Variants in ANKRD31 observed in about 807,000 individuals in gnomAD.
ANKRD31 encodes the protein ankyrin repeat domain 31.
Under a neutral mutation model 186.0 loss-of-function variants are expected in ANKRD31, and 147 were observed. The observed-to-expected ratio is 0.79, with a 90% CI of 0.69 to 0.91. The LOEUF is 0.91. Among genes scored for constraint, ANKRD31 ranks in the 40% least tolerant of loss-of-function variants. The pLI, the probability that ANKRD31 is intolerant of heterozygous loss-of-function variation, is 0.00. For missense variants in ANKRD31, 1,986 were observed against 2,148.8 expected (o/e 0.92, Z 1.50); for synonymous variants, 673 against 736.4 (o/e 0.91, Z 1.39).
chr5:75,091,112 TG>T, intron 23 of ANKRD31, 148 bp downstream of exon 23: 2 of 785,014 alleles, frequency 2.5e-6, no homozygotes, highest in Non-Finnish European at 3.8e-6. Context: ...GCATGTAGCA[TG>T]ATATGCATAC....
chr5:75,132,953 A>G (rs1019154893), intron 17 of ANKRD31, among the ~76,000 whole-genome samples: 1 of 152,204 alleles, frequency 6.6e-6, no homozygotes, highest in Admixed American at 6.5e-5. Context: ...TTCACAGACA[A>G]GCAAATGCTG....
chr5:75,140,269 A>AAGAG (rs10552660), intron 15 of ANKRD31, among the ~76,000 whole-genome samples: 1 of 35,156 alleles, frequency 2.8e-5, no homozygotes, highest in Non-Finnish European at 4.3e-5. Flanking sequence ...GAAGGAAGGA[A>AAGAG]AGAGAGAGAG....
intron 11 of ANKRD31, among the ~76,000 whole-genome samples, chr5:75,158,199 C>T (rs923870990): frequency 6.6e-6 from 1 of 152,062 alleles, no homozygotes; most frequent in Non-Finnish European, 1.5e-5. Context: ...AGTCTATAAG[C>T]CACACCAGAT....
At chr5:75,156,564 GACCT>G (rs1260706840) in intron 11 of ANKRD31, among the ~76,000 whole-genome samples, 3 of 152,266 alleles carry the variant, frequency 2.0e-5, no homozygotes, top group African/African-American at 7.2e-5. Flanking sequence ...TTGGAAAAAA[GACCT>G]TTGCAAATAT....
At chr5:75,212,604 G>A (rs1244741722) in intron 3 of ANKRD31, among the ~76,000 whole-genome samples, 6 of 152,178 alleles carry the variant, frequency 3.9e-5, no homozygotes, top group African/African-American at 1.2e-4. Flanking sequence ...CTGCACCCCA[G>A]CCTGGGTGAC....
chr5:75,224,351 T>C (rs1757512795), intron 2 of ANKRD31, among the ~76,000 whole-genome samples: 1 of 151,620 alleles, frequency 6.6e-6, no homozygotes. Flanking sequence ...CCAATTACTC[T>C]GTATAACAGG....
In ANKRD31 at chr5:75,104,147, A is replaced by C. The variant is rs547022295; in HGVS notation, c.5331+81T>G. 198 of 1,225,080 alleles carry C rather than the reference A, an allele frequency of 1.6e-4. 2 individuals are homozygous for C. The East Asian group carries it at 4.4e-3, about 27-fold the overall frequency. 75.9% of individuals were successfully genotyped at this position (1,225,080 alleles called of 1,614,324 possible). A position where few individuals can be genotyped will look rare whatever the true frequency, so the allele number is the denominator to read the frequency against. ...AACCCCATTTCCCTAATCAGAGCTA[A>C]ATGTCTATATTATGTGACAGCAACA... On this transcript the variant is annotated intron_variant, in intron 22 of 25. Coordinates refer to ENST00000506364, the MANE Select transcript of ANKRD31 (RefSeq NM_001372053.1).
At chr5:75,105,776 A>G (rs1747286683) in intron 21 of ANKRD31, among the ~76,000 whole-genome samples, 1 of 152,160 alleles carries the variant, frequency 6.6e-6, no homozygotes, top group Admixed American at 6.6e-5. Flanking sequence ...CTGTAGTTGT[A>G]TTTTGAACCT....
Position 75,154,346 on chromosome 5 carries a change from C to T in ANKRD31, c.1708-1G>A, listed in dbSNP as rs1438084459. Reference sequence around the variant, plus strand: ...CATTCAGAAGAAGTAACTCTGCCACCTAGAAAAAGGTTATTTATGTAAGGG... The same window carrying T: ...CATTCAGAAGAAGTAACTCTGCCACTTAGAAAAAGGTTATTTATGTAAGGG... On this transcript the variant is annotated splice_acceptor_variant, in intron 11 of 25. Transcript: ENST00000506364. LOFTEE classifies it high-confidence loss of function. The T allele has an allele frequency of 1.3e-6, 2 of 1,524,986 alleles. No homozygotes were observed. Among genetic ancestry groups the T allele is most frequent in the Admixed American group, 4.1e-5 (2 of 48,534 alleles). The allele number at this position is 1,524,986 out of a possible 1,614,324, so 94.5% of individuals were successfully genotyped here. A position where few individuals can be genotyped will look rare whatever the true frequency, so the allele number is the denominator to read the frequency against.
At chr5:75,168,580 T>C (rs1753088157) in intron 11 of ANKRD31, among the ~76,000 whole-genome samples, 1 of 152,126 alleles carries the variant, frequency 6.6e-6, no homozygotes, top group Non-Finnish European at 1.5e-5. Flanking sequence ...AACATTATCC[T>C]GCCTCAGGCT....
intron 20 of ANKRD31, 60 bp from the exon 21 acceptor site, chr5:75,107,677 A>C (rs1747440641): frequency 9.8e-7 from 1 of 1,024,928 alleles, no homozygotes; most frequent in Non-Finnish European, 1.4e-6. Context: ...AAATTTGGTC[A>C]TACGAGAATT....
At chr5:75,234,417 A>G (rs183197211) in intron 1 of ANKRD31, among the ~76,000 whole-genome samples, 8 of 152,322 alleles carry the variant, frequency 5.3e-5, no homozygotes, top group African/African-American at 1.9e-4. Context: ...AGTCCTCACT[A>G]CTCAGGGAGC....
chr5:75,146,448 T>C lies in ANKRD31; in HGVS notation c.2963A>G (p.Asn988Ser). 6.5e-7 allele frequency: 1 copy of C among 1,536,442 alleles called. No individual in the cohort carries two copies. Among genetic ancestry groups the C allele is most frequent in the Non-Finnish European group, 8.7e-7 (1 of 1,146,460 alleles). The part of the protein sequence containing the change: ...DNAVISEHVA[N>S]YEQCIFGPSF... Reference sequence around the variant, plus strand: ...AGGTCCAAATATGCATTGTTCATAATTTGCAACATGTTCAGAAATAACTGC... The same window carrying C: ...AGGTCCAAATATGCATTGTTCATAACTTGCAACATGTTCAGAAATAACTGC... Residue 988 changes from asparagine to serine, a missense_variant, in exon 14 of 26, where the codon AAT becomes AGT. Transcript: ENST00000506364.
At chr5:75,113,565 A>G (rs1473529451) in intron 19 of ANKRD31, among the ~76,000 whole-genome samples, 1 of 152,128 alleles carries the variant, frequency 6.6e-6, no homozygotes, top group Non-Finnish European at 1.5e-5. Flanking sequence ...ATGATGACGG[A>G]TGGTTTGACT....
chr5:75,208,422 C>A (rs1384997888), intron 4 of ANKRD31, among the ~76,000 whole-genome samples: 1 of 152,038 alleles, frequency 6.6e-6, no homozygotes, highest in Non-Finnish European at 1.5e-5. Flanking sequence ...TCCCCTCACC[C>A]CCCACCCCAT....
intron 10 of ANKRD31, among the ~76,000 whole-genome samples, chr5:75,173,750 A>G (rs1356418136): frequency 6.6e-6 from 1 of 152,218 alleles, no homozygotes; most frequent in Non-Finnish European, 1.5e-5. Context: ...CAAATGGAAG[A>G]ACATTCCATG....
chr5:75,200,200 C>A (rs1468995582), intron 5 of ANKRD31, among the ~76,000 whole-genome samples: 5 of 152,164 alleles, frequency 3.3e-5, no homozygotes, highest in Non-Finnish European at 5.9e-5. Context: ...CCCCTCTGAG[C>A]CAAGCTGGCA....
chr5:75,130,756 C>T (rs531374848), intron 17 of ANKRD31, among the ~76,000 whole-genome samples: 53 of 152,282 alleles, frequency 3.5e-4, no homozygotes, highest in African/African-American at 1.2e-3. Flanking sequence ...ACCCAATTAG[C>T]TAGACACAGA....
At chr5:75,208,406 G>C (rs939020238) in intron 4 of ANKRD31, among the ~76,000 whole-genome samples, 3 of 152,168 alleles carry the variant, frequency 2.0e-5, no homozygotes, top group Admixed American at 1.3e-4. Context: ...GTCTCCATCT[G>C]AGCTTTCCCC....
Sources: gnomAD v4.1 joint callset for allele counts (sites outside exome capture counted in the v4.1 genomes callset) on GRCh38, gnomAD v4.1.1 for gene constraint, MANE v1.5 for transcripts, NCBI Gene and HGNC (gene_info 2026-07-23, HGNC 2026-07-21) for gene names.